WWOX: variants seen among roughly 807,000 people sequenced by gnomAD.
The protein encoded by WWOX is WW domain containing oxidoreductase, also known as WW domain-containing oxidoreductase.
A neutral mutation model predicts 46.2 loss-of-function variants in WWOX; 69 were observed. The ratio of observed to expected loss-of-function variants is 1.49; its 90% CI spans 1.23 to 1.82. WWOX has a LOEUF of 1.82. Ranked by LOEUF, WWOX falls within the 40% of genes most tolerant of loss-of-function variation. WWOX has a pLI of 0.00. For missense variants in WWOX, 919 were observed against 542.6 expected, an observed-to-expected ratio of 1.69 and a Z score of -6.89; for synonymous variants, 359 against 202.6, an observed-to-expected ratio of 1.77 and a Z score of -6.56.
At chr16:78,699,327 A>T (rs1255016323) in intron 8 of WWOX, among the ~76,000 whole-genome samples, 1 of 151,248 alleles carries the variant, frequency 6.6e-6, no homozygotes, top group East Asian at 1.9e-4. Flanking sequence ...TGAGCTGAGG[A>T]GTTTGAGACT....
intron 5 of WWOX, among the ~76,000 whole-genome samples, chr16:78,286,335 A>AT (rs929832566): frequency 3.3e-5 from 5 of 152,146 alleles, no homozygotes; most frequent in African/African-American, 4.8e-5. Flanking sequence ...TTTGAAGTAG[A>AT]TTTTTTTCAG....
intron 6 of WWOX, among the ~76,000 whole-genome samples, chr16:78,397,245 C>T (rs752013387): frequency 9.3e-5 from 14 of 151,050 alleles, no homozygotes; most frequent in Non-Finnish European, 1.9e-4. Context: ...GTTTCAATAA[C>T]GAAGATACTG....
At chr16:79,052,345 C>A (rs9806790) in intron 8 of WWOX, among the ~76,000 whole-genome samples, 3 of 152,004 alleles carry the variant, frequency 2.0e-5, no homozygotes, top group Non-Finnish European at 4.4e-5. Context: ...CAATTTCATC[C>A]ATGTCCCTAC....
intron 8 of WWOX, among the ~76,000 whole-genome samples, chr16:78,606,718 GT>G (rs59612285): frequency 0.082 from 9,962 of 120,978 alleles, 412 homozygotes; most frequent in African/African-American, 0.11. Context: ...CAGAATTGCA[GT>G]TTTTTTTTTT....
intron 5 of WWOX, among the ~76,000 whole-genome samples, chr16:78,361,250 G>A (rs2081404657): frequency 6.6e-6 from 1 of 152,156 alleles, no homozygotes; most frequent in Non-Finnish European, 1.5e-5. Context: ...TTATAAAAAT[G>A]ATGTGGTGTC....
At chr16:78,889,237 C>T (rs143676583) in intron 8 of WWOX, among the ~76,000 whole-genome samples, 6 of 152,264 alleles carry the variant, frequency 3.9e-5, no homozygotes, top group African/African-American at 1.2e-4. Flanking sequence ...TATTAAAATA[C>T]AGCTCCACTC....
At chr16:78,846,527 G>T (rs1027322474) in intron 8 of WWOX, among the ~76,000 whole-genome samples, 3 of 152,072 alleles carry the variant, frequency 2.0e-5, no homozygotes, top group African/African-American at 2.4e-5. Context: ...CTCTTGATTA[G>T]AATGACGTGG....
At position 78,427,063 on chromosome 16, in the gene WWOX, G is replaced by C. The variant is rs1004795293; in HGVS notation, c.791+2008G>C. Among the ~76,000 whole-genome samples, 11 of 152,170 alleles carry C rather than the reference G, an allele frequency of 7.2e-5. No homozygotes were observed. In the East Asian group the frequency reaches 7.7e-4, roughly 11 times the overall value. On this transcript the variant is annotated intron_variant, in intron 7 of 8. Transcript: ENST00000566780. ...CATCCCTTGGCTCCCATGAGTGAGC[G>C]TGGTGACTTGGTGCGTAGGTGGTAC...
At chr16:79,082,703 G>C (rs1432643996) in intron 8 of WWOX, among the ~76,000 whole-genome samples, 1 of 152,204 alleles carries the variant, frequency 6.6e-6, no homozygotes, top group Non-Finnish European at 1.5e-5. Context: ...GGACATCTGT[G>C]CAGTTCCCAG....
intron 8 of WWOX, among the ~76,000 whole-genome samples, chr16:79,151,497 C>T (rs1419466964): frequency 6.6e-6 from 1 of 152,170 alleles, no homozygotes; most frequent in Non-Finnish European, 1.5e-5. Flanking sequence ...TAACCAATAC[C>T]GCTCCTTCTA....
intron 5 of WWOX, among the ~76,000 whole-genome samples, chr16:78,280,079 G>A (rs2079649176): frequency 1.3e-5 from 2 of 152,232 alleles, no homozygotes; most frequent in South Asian, 4.1e-4. Flanking sequence ...GAGTGTTCCA[G>A]GCAGTTACAG....
At chr16:78,590,099 T>A (rs888235662) in intron 8 of WWOX, among the ~76,000 whole-genome samples, 8 of 151,882 alleles carry the variant, frequency 5.3e-5, no homozygotes, top group Non-Finnish European at 7.4e-5. Context: ...GAAACACATA[T>A]AGGATAGGAA....
At chr16:78,622,350 C>A (rs2046210000) in intron 8 of WWOX, among the ~76,000 whole-genome samples, 1 of 152,024 alleles carries the variant, frequency 6.6e-6, no homozygotes, top group African/African-American at 2.4e-5. Flanking sequence ...TGAGACCAGC[C>A]TGGCCAACAT....
chr16:78,419,358 G>A (rs965333637), intron 6 of WWOX, among the ~76,000 whole-genome samples: 2 of 152,168 alleles, frequency 1.3e-5, no homozygotes, highest in Admixed American at 6.5e-5. Flanking sequence ...AAGAGTGTTG[G>A]AGGGCTTCCA....
At chr16:78,469,202 C>T (rs1312087757) in intron 8 of WWOX, among the ~76,000 whole-genome samples, 2 of 152,172 alleles carry the variant, frequency 1.3e-5, no homozygotes, top group Non-Finnish European at 2.9e-5. Flanking sequence ...TATTTATTCC[C>T]TCTCCTGAGA....
At chr16:78,870,226 C>G (rs958262794) in intron 8 of WWOX, among the ~76,000 whole-genome samples, 1 of 152,210 alleles carries the variant, frequency 6.6e-6, no homozygotes, top group Admixed American at 6.5e-5. Flanking sequence ...TGTTGATACA[C>G]ATTCAGGACT....
intron 8 of WWOX, among the ~76,000 whole-genome samples, chr16:78,826,928 A>G (rs1367497019): frequency 2.0e-5 from 3 of 152,154 alleles, no homozygotes; most frequent in Non-Finnish European, 2.9e-5. Context: ...TACATGCCGG[A>G]CACCAAGCTA....
At chr16:78,123,806 C>G (rs1036943156) in intron 4 of WWOX, 1 of 152,026 alleles carries the variant, frequency 6.6e-6, no homozygotes, top group Non-Finnish European at 1.5e-5. Context: ...TGCTACAAGC[C>G]TTACCCAGTG....
chr16:78,237,413 G>A (rs987165106), intron 5 of WWOX: 2 of 152,172 alleles, frequency 1.3e-5, no homozygotes, highest in Non-Finnish European at 2.9e-5. Flanking sequence ...TGAGTAGGAA[G>A]CAATTGCGTT....
Sources: allele counts gnomAD v4.1 joint callset (sites outside exome capture counted in the v4.1 genomes callset), GRCh38; gene constraint gnomAD v4.1.1; transcripts MANE v1.5; gene names NCBI Gene and HGNC (gene_info 2026-07-23, HGNC 2026-07-21).